The following IL12RB2 variants were observed in gnomAD, a reference collection of about 807,000 sequenced individuals.
IL12RB2 encodes the protein interleukin-12 receptor subunit beta-2.
A neutral mutation model predicts 89.4 loss-of-function variants in IL12RB2; 82 were observed. The observed-to-expected ratio is 0.92, with a 90% CI of 0.77 to 1.10. IL12RB2 has a LOEUF of 1.10. IL12RB2 is among the 50% of genes least tolerant of loss of function. The pLI is 0.00. For synonymous variants in IL12RB2, 368 were observed against 370.1 expected (o/e 0.99, Z 0.07); for missense variants, 963 against 1,031.9 (o/e 0.93, Z 0.92).
intron 8 of IL12RB2, among the ~76,000 whole-genome samples, chr1:67,334,666 A>G (rs1658533598): frequency 6.6e-6 from 1 of 151,976 alleles, no homozygotes; most frequent in South Asian, 2.1e-4. Context: ...TTTTTAGTAG[A>G]GACAGGGTTT....
chr1:67,393,423 G>A (rs1222790668), intron 16 of IL12RB2, among the ~76,000 whole-genome samples: 2 of 152,232 alleles, frequency 1.3e-5, no homozygotes, highest in African/African-American at 2.4e-5. Context: ...CCTGACGGCA[G>A]AGCAAACACC....
At chr1:67,309,110 CT>C (rs34832755) in intron 1 of IL12RB2, among the ~76,000 whole-genome samples, 1 of 151,676 alleles carries the variant, frequency 6.6e-6, no homozygotes, top group Non-Finnish European at 1.5e-5. Flanking sequence ...TAAATTAGTC[CT>C]TTTTTCCCCA....
chr1:67,316,421 A>AGCGTGTGTGTGT (rs1553307296), intron 2 of IL12RB2, among the ~76,000 whole-genome samples: 1 of 146,148 alleles, frequency 6.8e-6, no homozygotes, highest in Non-Finnish European at 1.5e-5. Flanking sequence ...TCCCCAGAGT[A>AGCGTGTGTGTGT]GTGTGTGTGT....
At chr1:67,384,465 C>T (rs1664931568) in intron 14 of IL12RB2, among the ~76,000 whole-genome samples, 1 of 152,248 alleles carries the variant, frequency 6.6e-6, no homozygotes, top group Admixed American at 6.5e-5. Flanking sequence ...CCTCCTAGGC[C>T]TCCAGGCCTG....
At chr1:67,395,523 C>A (rs1666283966) in intron 16 of IL12RB2, 24 bp from the exon 17 acceptor site, 4 of 1,614,044 alleles carry the variant, frequency 2.5e-6, no homozygotes, top group Non-Finnish European at 3.4e-6. Context: ...GCAGTGTGAG[C>A]CTCTTCCTCC....
intron 15 of IL12RB2, among the ~76,000 whole-genome samples, chr1:67,387,956 T>C (rs990374942): frequency 2.6e-5 from 4 of 152,136 alleles, no homozygotes; most frequent in Non-Finnish European, 5.9e-5. Flanking sequence ...GGCAGGCAGA[T>C]CACCTCAGGT....
chr1:67,386,300 T>C (rs892204686), intron 14 of IL12RB2, among the ~76,000 whole-genome samples: 15 of 148,372 alleles, frequency 1.0e-4, no homozygotes, highest in Non-Finnish European at 2.2e-4. Flanking sequence ...AAGACAAGGC[T>C]CCCAATTCAC....
At chr1:67,348,632 A>C (rs1660493859) in intron 9 of IL12RB2, among the ~76,000 whole-genome samples, 1 of 151,938 alleles carries the variant, frequency 6.6e-6, no homozygotes, top group African/African-American at 2.4e-5. Context: ...AATGGACTAC[A>C]TACACCATTT....
At chr1:67,308,834 A>G (rs2100475572) in intron 1 of IL12RB2, among the ~76,000 whole-genome samples, 1 of 152,290 alleles carries the variant, frequency 6.6e-6, no homozygotes, top group Non-Finnish European at 1.5e-5. Context: ...AGCCTGGCCA[A>G]CATGGTGAAA....
intron 4 of IL12RB2, among the ~76,000 whole-genome samples, chr1:67,322,111 A>T (rs537631990): frequency 6.6e-6 from 1 of 152,032 alleles, no homozygotes; most frequent in Admixed American, 6.6e-5. Context: ...CGCCATTAAA[A>T]CCATTTATCT....
intron 14 of IL12RB2, among the ~76,000 whole-genome samples, chr1:67,382,915 C>G (rs534207080): frequency 6.6e-6 from 1 of 152,226 alleles, no homozygotes; most frequent in African/African-American, 2.4e-5. Context: ...CAAAACCTTC[C>G]TCTGCTACTT....
chr1:67,365,512 C>T (rs1239193831), intron 10 of IL12RB2, among the ~76,000 whole-genome samples: 1 of 152,192 alleles, frequency 6.6e-6, no homozygotes, highest in Non-Finnish European at 1.5e-5. Context: ...CTATGAACAA[C>T]TCTGTGCCCA....
intron 10 of IL12RB2, among the ~76,000 whole-genome samples, chr1:67,362,338 G>A (rs1480782103): frequency 2.0e-5 from 3 of 150,524 alleles, no homozygotes; most frequent in African/African-American, 2.4e-5. Context: ...AGGCCGAGGC[G>A]GGTGGATCAT....
intron 16 of IL12RB2, among the ~76,000 whole-genome samples, chr1:67,390,972 G>A (rs1665750127): frequency 6.6e-6 from 1 of 152,000 alleles, no homozygotes; most frequent in African/African-American, 2.4e-5. Flanking sequence ...CAGGCCAGAA[G>A]CCAGTGGTCC....
At chr1:67,323,136 A>G (rs1656800729) in intron 4 of IL12RB2, among the ~76,000 whole-genome samples, 2 of 149,924 alleles carry the variant, frequency 1.3e-5, no homozygotes, top group Non-Finnish European at 2.9e-5. Flanking sequence ...TCTGTGACCT[A>G]TAAGGATATA....
chr1:67,335,220 A>G (rs1314360957), intron 8 of IL12RB2, among the ~76,000 whole-genome samples: 3 of 152,206 alleles, frequency 2.0e-5, no homozygotes, highest in Non-Finnish European at 4.4e-5. Context: ...AGTCCAGCAG[A>G]GAAGGAGAAA....
chr1:67,362,408 T>C (rs1367997919), intron 10 of IL12RB2, among the ~76,000 whole-genome samples: 3 of 137,330 alleles, frequency 2.2e-5, no homozygotes, highest in Admixed American at 2.2e-4. Context: ...CTACTAAAAA[T>C]ACAAAAAATT....
chr1:67,327,596 T>C (rs889514431), intron 5 of IL12RB2, among the ~76,000 whole-genome samples: 4 of 152,204 alleles, frequency 2.6e-5, no homozygotes, highest in African/African-American at 7.2e-5. Flanking sequence ...AAAGCACCAT[T>C]GGCTGACCTA....
intron 10 of IL12RB2, among the ~76,000 whole-genome samples, chr1:67,354,032 TAA>T (rs1661117985): frequency 1.3e-5 from 2 of 152,174 alleles, no homozygotes; most frequent in Non-Finnish European, 2.9e-5. Flanking sequence ...CCAGCATAGG[TAA>T]AAGATACAGT....
Sources: allele counts gnomAD v4.1 joint callset (sites outside exome capture counted in the v4.1 genomes callset), GRCh38; gene constraint gnomAD v4.1.1; transcripts MANE v1.5; gene names NCBI Gene and HGNC (gene_info 2026-07-23, HGNC 2026-07-21).